PALS1: variants seen among roughly 807,000 people sequenced by gnomAD.
PALS1 encodes protein PALS1.
A neutral mutation model predicts 78.9 loss-of-function variants in PALS1; 31 were observed. That is an observed-to-expected ratio of 0.39 (90% CI 0.30 to 0.53). PALS1 has a LOEUF of 0.53. Ranked by LOEUF, PALS1 falls within the 20% of genes least tolerant of loss-of-function variation. The pLI is 0.67. For synonymous variants in PALS1, 276 were observed against 270.9 expected (o/e 1.02, Z -0.18); for missense variants, 704 against 826.5 (o/e 0.85, Z 1.82).
chr14:67,244,011 A>G (rs1289895283), intron 1 of PALS1, among the ~76,000 whole-genome samples: 2 of 152,230 alleles, frequency 1.3e-5, no homozygotes, highest in Non-Finnish European at 2.9e-5. Flanking sequence ...TCCATATTCT[A>G]AATTCAGTGC....
At chr14:67,300,003 C>T (rs1023902192) in intron 4 of PALS1, among the ~76,000 whole-genome samples, 66 of 152,160 alleles carry the variant, frequency 4.3e-4, no homozygotes, top group African/African-American at 1.5e-3. Flanking sequence ...TTAAAAACAA[C>T]TTTTAGTTAC....
At chr14:67,285,366 ATTTT>A (rs767382946) in intron 3 of PALS1, among the ~76,000 whole-genome samples, 1 of 137,850 alleles carries the variant, frequency 7.3e-6, no homozygotes, top group African/African-American at 2.7e-5. Flanking sequence ...CCTTAGGTAA[ATTTT>A]TTTTTTTTTT....
intron 2 of PALS1, chr14:67,271,960 A>G (rs972403275): frequency 1.3e-5 from 2 of 151,820 alleles, no homozygotes; most frequent in African/African-American, 2.4e-5. Flanking sequence ...AATCTCAGCT[A>G]CTCAGGAGGC....
chr14:67,300,215 T>C (rs998905432), intron 4 of PALS1, among the ~76,000 whole-genome samples: 2 of 152,180 alleles, frequency 1.3e-5, no homozygotes, highest in Admixed American at 1.3e-4. Context: ...CCACTTGCTG[T>C]GGTAAAATTA....
intron 1 of PALS1, among the ~76,000 whole-genome samples, chr14:67,255,708 T>G (rs1473526874): frequency 3.3e-5 from 5 of 152,144 alleles, no homozygotes; most frequent in Non-Finnish European, 1.5e-5. Flanking sequence ...TGAGATGGAG[T>G]CTCGCTCTGT....
At position 67,334,657 on chromosome 14, in the gene PALS1, A is replaced by T. The variant is rs1298011004; in HGVS notation, c.*1701A>T. 6.6e-6 allele frequency: 1 copy of T among 152,502 alleles called. No individual in the cohort carries two copies. The highest frequency in any genetic ancestry group is 2.4e-5 in the African/African-American group (1 of 41,432). 9.4% of individuals were successfully genotyped at this position (152,502 alleles called of 1,614,324 possible). ...TTTATGTGGAAATATTTTCAAGATA[A>T]TGTTCCTTAGGAAGAAAATAACATT... On this transcript the variant is annotated 3_prime_UTR_variant, in exon 15 of 15. Transcript: ENST00000261681.
At chr14:67,245,878 A>G (rs958360595) in intron 1 of PALS1, among the ~76,000 whole-genome samples, 2 of 151,718 alleles carry the variant, frequency 1.3e-5, no homozygotes, top group African/African-American at 4.8e-5. Context: ...TTTTTTTCCA[A>G]GTTTTATATT....
At chr14:67,327,032 G>A (rs928659574) in intron 14 of PALS1, among the ~76,000 whole-genome samples, 49 of 152,200 alleles carry the variant, frequency 3.2e-4, no homozygotes, top group African/African-American at 1.2e-3. Flanking sequence ...AAAGTTAGCC[G>A]GGTGTGGTGG....
intron 11 of PALS1, 105 bp from the exon 12 acceptor site, chr14:67,320,125 A>G: frequency 1.0e-6 from 1 of 983,364 alleles, no homozygotes; most frequent in Non-Finnish European, 1.5e-6. Context: ...TGTAATGACA[A>G]TAAATTGTGC....
At chr14:67,317,269 C>T (rs1011791323) in intron 10 of PALS1, 139 bp from the exon 11 acceptor site, 11 of 669,524 alleles carry the variant, frequency 1.6e-5, no homozygotes, top group Non-Finnish European at 2.2e-5. Flanking sequence ...TCAAGACAAG[C>T]GTGGCCAACA....
At chr14:67,281,118 T>C (rs750634510) in intron 3 of PALS1, among the ~76,000 whole-genome samples, 15 of 151,860 alleles carry the variant, frequency 9.9e-5, no homozygotes, top group Non-Finnish European at 5.9e-5. Flanking sequence ...AGGCTGGTCT[T>C]CAACTCCTGA....
At chr14:67,270,559 A>G (rs2084392490) in intron 2 of PALS1, 1 of 148,336 alleles carries the variant, frequency 6.7e-6, no homozygotes, top group Non-Finnish European at 1.5e-5. Context: ...TAGTTCAGTC[A>G]TTTACCAGCT....
intron 2 of PALS1, among the ~76,000 whole-genome samples, chr14:67,274,621 A>G (rs1328846424): frequency 2.6e-5 from 4 of 152,102 alleles, no homozygotes; most frequent in African/African-American, 4.8e-5. Flanking sequence ...TTTTGGTTCC[A>G]TATGAACTTT....
At chr14:67,265,845 A>G (rs1309493658) in intron 1 of PALS1, among the ~76,000 whole-genome samples, 1 of 150,314 alleles carries the variant, frequency 6.7e-6, no homozygotes, top group Non-Finnish European at 1.5e-5. Flanking sequence ...TGACAGAGTG[A>G]GACTCCATCT....
At chr14:67,267,042 AG>A (rs2084339306) in intron 1 of PALS1, among the ~76,000 whole-genome samples, 1 of 151,916 alleles carries the variant, frequency 6.6e-6, no homozygotes, top group Admixed American at 6.6e-5. Flanking sequence ...GGGGAGGCAG[AG>A]GTTCCAGTGA....
chr14:67,295,269 G>C (rs955578579), intron 4 of PALS1, among the ~76,000 whole-genome samples: 2 of 151,776 alleles, frequency 1.3e-5, no homozygotes, highest in African/African-American at 4.8e-5. Context: ...TGGATCATTT[G>C]AGGTCAGGAG....
At chr14:67,281,098 C>T (rs2084603831) in intron 3 of PALS1, among the ~76,000 whole-genome samples, 1 of 151,852 alleles carries the variant, frequency 6.6e-6, no homozygotes, top group Non-Finnish European at 1.5e-5. Context: ...CGGGTTTCAC[C>T]ATGTTGGTCA....
At chr14:67,305,319 T>C (rs2084986177) in intron 8 of PALS1, among the ~76,000 whole-genome samples, 1 of 152,148 alleles carries the variant, frequency 6.6e-6, no homozygotes, top group African/African-American at 2.4e-5. Flanking sequence ...CTGGCTCTAT[T>C]ATCCAGGCTG....
At chr14:67,243,318 G>A (rs2083933948) in intron 1 of PALS1, among the ~76,000 whole-genome samples, 1 of 150,716 alleles carries the variant, frequency 6.6e-6, no homozygotes, top group Non-Finnish European at 1.5e-5. Flanking sequence ...CTCCCGACTA[G>A]CTGGGACTAC....
Sources: allele counts gnomAD v4.1 joint callset (sites outside exome capture counted in the v4.1 genomes callset), GRCh38; gene constraint gnomAD v4.1.1; transcripts MANE v1.5; gene names NCBI Gene and HGNC (gene_info 2026-07-23, HGNC 2026-07-21).